GPHN: variants seen among roughly 807,000 people sequenced by gnomAD.
The protein encoded by GPHN is gephyrin.
A neutral mutation model predicts 95.5 loss-of-function variants in GPHN; 17 were observed. The observed-to-expected ratio is 0.18, with a 90% confidence interval of 0.12 to 0.27. The LOEUF (loss-of-function observed/expected upper bound fraction) is 0.27. GPHN is among the 10% of genes least tolerant of loss of function. GPHN has a pLI of 1.00. For missense variants in GPHN, 660 were observed against 978.1 expected, an observed-to-expected ratio of 0.67 and a Z score of 4.34; for synonymous variants, 320 against 322.5, an observed-to-expected ratio of 0.99 and a Z score of 0.08.
At chr14:66,575,937 G>A (rs2060883863) in intron 1 of GPHN, among the ~76,000 whole-genome samples, 1 of 152,164 alleles carries the variant, frequency 6.6e-6, no homozygotes, top group Non-Finnish European at 1.5e-5. Context: ...TAATCTGCAG[G>A]AGTGGGCCTG....
intron 18 of GPHN, among the ~76,000 whole-genome samples, chr14:67,152,085 C>T (rs1654297466): frequency 6.6e-6 from 1 of 152,128 alleles, no homozygotes; most frequent in South Asian, 2.1e-4. Context: ...AATCATTAAT[C>T]TTGATTTTGT....
intron 1 of GPHN, among the ~76,000 whole-genome samples, chr14:66,554,395 A>G (rs1193844520): frequency 6.6e-6 from 1 of 152,212 alleles, no homozygotes; most frequent in East Asian, 1.9e-4. Flanking sequence ...AGACTCGGTA[A>G]TTTATAAAGG....
At chr14:67,199,520 G>A in the GPHN span, 1 of 1,612,360 alleles carries the variant, frequency 6.2e-7, no homozygotes, top group Non-Finnish European at 8.5e-7. Flanking sequence ...TTCATTTGAT[G>A]CTTCAGTTGC....
At chr14:66,761,057 T>G in intron 2 of GPHN, 2 of 505,164 alleles carry the variant, frequency 4.0e-6, no homozygotes, top group Non-Finnish European at 7.7e-6. Flanking sequence ...TATTTGAAGA[T>G]GCCCTTTGGA....
chr14:66,872,169 C>T (rs2063467701), intron 4 of GPHN, among the ~76,000 whole-genome samples: 1 of 152,180 alleles, frequency 6.6e-6, no homozygotes, highest in Non-Finnish European at 1.5e-5. Context: ...CAATTAGCAT[C>T]TAATACATAC....
At chr14:67,577,160 T>C in the GPHN span, 5 of 645,732 alleles carry the variant, frequency 7.7e-6, no homozygotes, top group Middle Eastern at 2.6e-4. Context: ...CCACACTCTA[T>C]GGATGATAAA....
Position 67,181,530 on chromosome 14 carries a change from G to A in GPHN, c.*593G>A. The A allele has an allele frequency of 2.0e-6, 1 of 501,750 alleles. No homozygotes were observed. The highest frequency in any genetic ancestry group is 1.9e-5 in the African/African-American group (1 of 51,960). The allele number at this position is 501,750 out of a possible 1,614,324, so 31.1% of individuals were successfully genotyped here. A position where few individuals can be genotyped will look rare whatever the true frequency, so the allele number is the denominator to read the frequency against. On this transcript the variant is annotated 3_prime_UTR_variant, in exon 23 of 23. Transcript: ENST00000478722. ...AATAGCCTCACGGCACAGTACTCTT[G>A]GGCAGTAACTGGACACCTTTTATTT...
At chr14:66,683,375 TATATGTTC>T (rs1307035969) in intron 2 of GPHN, among the ~76,000 whole-genome samples, 1 of 127,236 alleles carries the variant, frequency 7.9e-6, no homozygotes. Flanking sequence ...TATATATATA[TATATGTTC>T]ATATATATAT....
intron 2 of GPHN, among the ~76,000 whole-genome samples, chr14:66,714,155 C>A (rs2069939019): frequency 6.6e-6 from 1 of 152,162 alleles, no homozygotes; most frequent in Non-Finnish European, 1.5e-5. Context: ...ATTGTGTCAT[C>A]TGTGATTTTG....
the GPHN span, among the ~76,000 whole-genome samples, chr14:67,489,984 C>T: frequency 2.0e-4 from 24 of 123,074 alleles, no homozygotes; most frequent in East Asian, 1.3e-3. Flanking sequence ...AGCGAGACTC[C>T]GTCTCAAAAA....
chr14:67,726,093 T>C, the GPHN span: 1 of 1,614,074 alleles, frequency 6.2e-7, no homozygotes, highest in Non-Finnish European at 8.5e-7. Flanking sequence ...GCGGGAGTAA[T>C]GATGTGTCCA....
At chr14:67,372,552 T>C in the GPHN span, among the ~76,000 whole-genome samples, 3 of 152,214 alleles carry the variant, frequency 2.0e-5, no homozygotes, top group Non-Finnish European at 4.4e-5. Context: ...GTATCTAGGC[T>C]GGGAGCGGTG....
intron 2 of GPHN, among the ~76,000 whole-genome samples, chr14:66,716,765 A>T (rs577979211): frequency 6.6e-6 from 1 of 152,076 alleles, no homozygotes; most frequent in Non-Finnish European, 1.5e-5. Flanking sequence ...TTATATCTTC[A>T]TGTATGTTGC....
chr14:67,425,824 G>A, the GPHN span, among the ~76,000 whole-genome samples: 1 of 151,876 alleles, frequency 6.6e-6, no homozygotes, highest in Non-Finnish European at 1.5e-5. Flanking sequence ...CGGTGGGCGT[G>A]TCTCTGCTGA....
At chr14:67,540,164 A>G in the GPHN span, among the ~76,000 whole-genome samples, 1 of 152,268 alleles carries the variant, frequency 6.6e-6, no homozygotes, top group South Asian at 2.1e-4. Flanking sequence ...TCATATAAAG[A>G]ACTCCCATAT....
the GPHN span, chr14:67,646,567 C>G: frequency 8.5e-7 from 1 of 1,183,132 alleles, no homozygotes; most frequent in Non-Finnish European, 1.2e-6. Flanking sequence ...AGATTGCATA[C>G]CCACGGACGC....
chr14:67,219,265 T>C, the GPHN span, among the ~76,000 whole-genome samples: 4 of 152,160 alleles, frequency 2.6e-5, no homozygotes, highest in African/African-American at 9.7e-5. Flanking sequence ...CTGGTGGGGC[T>C]CTTCTGCTTA....
intron 13 of GPHN, among the ~76,000 whole-genome samples, chr14:67,103,960 A>G (rs1335180127): frequency 6.6e-6 from 1 of 152,168 alleles, no homozygotes; most frequent in Non-Finnish European, 1.5e-5. Context: ...ATCTCAGAGG[A>G]AAAGCTTTCA....
chr14:67,626,271 A>C, the GPHN span, among the ~76,000 whole-genome samples: 2 of 152,090 alleles, frequency 1.3e-5, no homozygotes, highest in East Asian at 3.9e-4. Flanking sequence ...AAAAAAAACC[A>C]CAAAACTACA....
Sources: allele counts gnomAD v4.1 joint callset (sites outside exome capture counted in the v4.1 genomes callset), GRCh38; gene constraint gnomAD v4.1.1; transcripts MANE v1.5; gene names NCBI Gene and HGNC (gene_info 2026-07-23, HGNC 2026-07-21).